ATXN1: variants seen among roughly 807,000 people sequenced by gnomAD.
ATXN1 encodes ataxin-1.
A neutral mutation model predicts 56.4 loss-of-function variants in ATXN1; 8 were observed. The ratio of observed to expected loss-of-function variants is 0.14; its 90% confidence interval spans 0.08 to 0.26. ATXN1 has a LOEUF of 0.26. Among genes scored for constraint, ATXN1 ranks in the 10% least tolerant of loss-of-function variants. The pLI is 1.00. For missense variants in ATXN1, 987 were observed against 1,106.5 expected (o/e 0.89, Z 1.53); for synonymous variants, 514 against 494.6 (o/e 1.04, Z -0.52).
intron 5 of ATXN1, among the ~76,000 whole-genome samples, chr6:16,512,886 T>C (rs1761109467): frequency 6.6e-6 from 1 of 152,200 alleles, no homozygotes. Context: ...TTTCTAGGAA[T>C]TTGTTAGTGG....
chr6:16,299,873 G>T lies in ATXN1; in HGVS notation c.*6456C>A, dbSNP rs1298002409. ...AGTATTCACAGAACTGAATGCACAG[G>T]TATCAAGTTCAAATGCACTAACTAA... is the stretch of plus-strand genomic sequence containing the variant. On this transcript the variant is annotated 3_prime_UTR_variant, in exon 8 of 8. Coordinates refer to ENST00000436367, the MANE Select transcript of ATXN1 (RefSeq NM_001128164.2). The T allele has an allele frequency of 1.3e-5, 2 of 152,654 alleles. No individual in the cohort carries two copies. Among genetic ancestry groups the T allele is most frequent in the African/African-American group, 4.8e-5 (2 of 41,458 alleles). 9.5% of individuals were successfully genotyped at this position (152,654 alleles called of 1,614,324 possible).
intron 6 of ATXN1, among the ~76,000 whole-genome samples, chr6:16,448,200 A>T (rs149854136): frequency 4.5e-4 from 68 of 152,178 alleles, no homozygotes; most frequent in African/African-American, 1.6e-3. Context: ...GCTCCAGCAT[A>T]GTGGCCTCCA....
At chr6:16,631,136 C>T (rs1021154931) in intron 3 of ATXN1, among the ~76,000 whole-genome samples, 2 of 152,148 alleles carry the variant, frequency 1.3e-5, no homozygotes, top group Admixed American at 6.6e-5. Context: ...GATTATTATT[C>T]ATGTTTTAAA....
intron 6 of ATXN1, among the ~76,000 whole-genome samples, chr6:16,441,283 C>G (rs1005016719): frequency 1.3e-5 from 2 of 151,972 alleles, no homozygotes; most frequent in Non-Finnish European, 2.9e-5. Context: ...GGGGCAGATC[C>G]AAGTGAAGGG....
intron 6 of ATXN1, among the ~76,000 whole-genome samples, chr6:16,439,519 G>A (rs1229678382): frequency 1.3e-5 from 2 of 151,766 alleles, no homozygotes; most frequent in Non-Finnish European, 2.9e-5. Context: ...TCTAAATTGT[G>A]TCTTTTGATG....
At chr6:16,319,079 G>A (rs559218497) in intron 7 of ATXN1, among the ~76,000 whole-genome samples, 4 of 151,988 alleles carry the variant, frequency 2.6e-5, no homozygotes, top group Admixed American at 6.6e-5. Context: ...TTAGCTGGGC[G>A]TGGTGGTGTG....
chr6:16,510,737 CATAA>C (rs57597775), intron 5 of ATXN1, among the ~76,000 whole-genome samples: 1 of 151,686 alleles, frequency 6.6e-6, no homozygotes, highest in Admixed American at 6.6e-5. Context: ...GGCCCTGTCT[CATAA>C]ATAAATAAAT....
rs1298753590 is a variant in ATXN1, at chr6:16,657,763, T to C, written c.-489+13A>G. The C allele has an allele frequency of 2.0e-5, 3 of 152,218 alleles. No homozygotes were observed. The East Asian group carries it at 5.8e-4, about 29-fold the overall frequency. 9.4% of individuals were successfully genotyped at this position (152,218 alleles called of 1,614,324 possible). ...TTAAAGCTAAAAGATGTCAAGTCTT[T>C]TGGATGACTTACCAAAAACCATTTG... On this transcript the variant is annotated intron_variant, in intron 3 of 7. Transcript: ENST00000436367.
chr6:16,592,873 G>A (rs1762747507), intron 3 of ATXN1, among the ~76,000 whole-genome samples: 1 of 148,800 alleles, frequency 6.7e-6, no homozygotes, highest in South Asian at 2.2e-4. Flanking sequence ...TGCGGGTGGG[G>A]GTGGGGGGTT....
chr6:16,480,167 A>C (rs1341983816), intron 6 of ATXN1, among the ~76,000 whole-genome samples: 1 of 135,964 alleles, frequency 7.4e-6, no homozygotes, highest in East Asian at 4.3e-4. Flanking sequence ...AAAAAAAAAA[A>C]AAAAAAAAAA....
At chr6:16,464,169 C>G (rs1243556233) in intron 6 of ATXN1, among the ~76,000 whole-genome samples, 1 of 152,154 alleles carries the variant, frequency 6.6e-6, no homozygotes. Context: ...TCCTGTCTTA[C>G]AAGAGGATGT....
rs911590228 is a variant in ATXN1 at position 16,304,016 on chromosome 6, G to A, written c.*2313C>T. On this transcript the variant is annotated 3_prime_UTR_variant, in exon 8 of 8. Transcript: ENST00000436367. ...TCTGCAAGCATGCTGAGAGGGTAAT[G>A]AAATTCGAGGAAAGTCAAGGAACTA... 6.6e-6 allele frequency: 1 copy of A among 152,450 alleles called. No individual in the cohort carries two copies. The highest frequency in any genetic ancestry group is 1.5e-5 in the Non-Finnish European group (1 of 68,018). 9.4% of individuals were successfully genotyped at this position (152,450 alleles called of 1,614,324 possible).
chr6:16,703,224 C>T (rs913580304), intron 2 of ATXN1, among the ~76,000 whole-genome samples: 12 of 151,906 alleles, frequency 7.9e-5, no homozygotes, highest in African/African-American at 2.4e-4. Context: ...AGCAAACTAT[C>T]GCAAGGACAA....
At chr6:16,681,605 C>A (rs997469729) in intron 2 of ATXN1, among the ~76,000 whole-genome samples, 1 of 152,230 alleles carries the variant, frequency 6.6e-6, no homozygotes, top group Non-Finnish European at 1.5e-5. Flanking sequence ...CTGCTGCACA[C>A]CTCCGTCTTT....
intron 6 of ATXN1, among the ~76,000 whole-genome samples, chr6:16,359,825 C>G (rs920483667): frequency 1.3e-5 from 2 of 152,062 alleles, no homozygotes; most frequent in African/African-American, 2.4e-5. Context: ...CCCAGAGATC[C>G]TATAACAGTA....
chr6:16,659,984 TCTTA>T (rs1366144965), intron 2 of ATXN1, among the ~76,000 whole-genome samples: 1 of 152,180 alleles, frequency 6.6e-6, no homozygotes, highest in Non-Finnish European at 1.5e-5. Flanking sequence ...TATTTTCCAT[TCTTA>T]CTTATATCTG....
At chr6:16,636,641 G>A (rs754380580) in intron 3 of ATXN1, among the ~76,000 whole-genome samples, 2 of 152,076 alleles carry the variant, frequency 1.3e-5, no homozygotes, top group Non-Finnish European at 2.9e-5. Flanking sequence ...ACTAATAAAT[G>A]GTATCATGAA....
In ATXN1 at chr6:16,326,267, G is replaced by T; in HGVS notation, c.1917+127C>A. 1 of 1,457,130 alleles carries T rather than the reference G, an allele frequency of 6.9e-7. No homozygotes were observed. 90.3% of individuals were successfully genotyped at this position (1,457,130 alleles called of 1,614,324 possible). ...CTAGAGAACGCAGTTGGGAAAGGCC[G>T]AGTCTAAGGTCTAGGTGTACCCGAG... On this transcript the variant is annotated intron_variant, in intron 7 of 7. Transcript: ENST00000436367. This position sits in a 1 kb window ranked among gnomAD's most constrained non-coding sequence, Gnocchi z 6.6.
At chr6:16,572,877 A>T (rs779797030) in intron 4 of ATXN1, among the ~76,000 whole-genome samples, 9 of 152,240 alleles carry the variant, frequency 5.9e-5, no homozygotes, top group Non-Finnish European at 1.3e-4. Flanking sequence ...GGAACACAGC[A>T]TCCTCTATCT....
Sources: gnomAD v4.1 joint callset for allele counts (sites outside exome capture counted in the v4.1 genomes callset) on GRCh38, gnomAD v4.1.1 for gene constraint, Gnocchi (gnomAD v3.1) non-coding constraint, MANE v1.5 for transcripts, NCBI Gene and HGNC (gene_info 2026-07-23, HGNC 2026-07-21) for gene names.